POLK: variants seen among roughly 807,000 people sequenced by gnomAD.
POLK encodes DNA polymerase kappa.
A neutral mutation model predicts 94.0 loss-of-function variants in POLK; 76 were observed. The ratio of observed to expected loss-of-function variants is 0.81; its 90% CI spans 0.67 to 0.98. The LOEUF (loss-of-function observed/expected upper bound fraction) is 0.98. Ranked by LOEUF, POLK falls within the 50% of genes least tolerant of loss-of-function variation. The pLI is 0.00. For missense variants in POLK, 954 were observed against 1,010.1 expected (o/e 0.94, Z 0.75); for synonymous variants, 349 against 325.4 (o/e 1.07, Z -0.78).
In POLK at chr5:75,563,241, C is replaced by T. The variant is rs184480730; in HGVS notation, c.256-6099C>T. Reference sequence around the variant, plus strand: ...CCTCCCAAAGTGCTGGGATTACAGACGTGAGCCACTGTATCTGGCTGTGAA... The same window carrying T: ...CCTCCCAAAGTGCTGGGATTACAGATGTGAGCCACTGTATCTGGCTGTGAA... On this transcript the variant is annotated intron_variant, in intron 3 of 14. Transcript: ENST00000241436. Among the ~76,000 whole-genome samples, 242 of 152,188 alleles carry T rather than the reference C, an allele frequency of 1.6e-3. 1 individual carries two copies. Among genetic ancestry groups the T allele is most frequent in the African/African-American group, 5.5e-3 (230 of 41,520 alleles).
intron 11 of POLK, among the ~76,000 whole-genome samples, chr5:75,591,091 A>C (rs1194222493): frequency 2.0e-5 from 3 of 152,230 alleles, no homozygotes; most frequent in Admixed American, 2.0e-4. Context: ...CCTAGTGTTC[A>C]ATAGATCAGT....
chr5:75,523,055 G>GT lies in POLK; in HGVS notation c.-14+11142dup, dbSNP rs1580914820. Reference sequence around the variant, plus strand: ...GAGCTGATTTATATTTCCTTCCCCTGTCTCAGGGTTAGCTGTTGTAATTCA... The same window carrying GT: ...GAGCTGATTTATATTTCCTTCCCCTGTTCTCAGGGTTAGCTGTTGTAATTCA... On this transcript the variant is annotated intron_variant, in intron 1 of 14. Coordinates refer to ENST00000241436, the Ensembl canonical transcript of POLK. Among the ~76,000 whole-genome samples, 3 of 152,200 alleles carry GT rather than the reference G, an allele frequency of 2.0e-5. No homozygotes were observed. In the East Asian group the frequency reaches 5.8e-4, roughly 29 times the overall value.
chr5:75,589,176 T>C (rs1390515818), intron 10 of POLK, among the ~76,000 whole-genome samples: 1 of 152,086 alleles, frequency 6.6e-6, no homozygotes, highest in Non-Finnish European at 1.5e-5. Flanking sequence ...GTAATATCCA[T>C]GAATAGAGAA....
chr5:75,574,437 A>G (rs1290226286), intron 5 of POLK, among the ~76,000 whole-genome samples: 3 of 152,194 alleles, frequency 2.0e-5, no homozygotes, highest in African/African-American at 7.2e-5. Flanking sequence ...CCAAACTGTC[A>G]TATGTGAAAA....
chr5:75,589,458 T>A (rs1462109460), intron 10 of POLK, among the ~76,000 whole-genome samples: 1 of 149,548 alleles, frequency 6.7e-6, no homozygotes, highest in South Asian at 2.1e-4. Context: ...TTCTTTTTTT[T>A]GTTTGTTTTT....
At chr5:75,528,796 G>C (rs1285208223) in intron 1 of POLK, among the ~76,000 whole-genome samples, 1 of 152,154 alleles carries the variant, frequency 6.6e-6, no homozygotes, top group East Asian at 1.9e-4. Flanking sequence ...GGGTGACAAA[G>C]CAAGATCCTG....
intron 4 of POLK, among the ~76,000 whole-genome samples, 179 bp downstream of exon 4, chr5:75,569,671 C>G (rs1235492260): frequency 1.3e-5 from 2 of 152,186 alleles, no homozygotes; most frequent in African/African-American, 4.8e-5. Flanking sequence ...GGGACCCCAA[C>G]CCCCAGTTCA....
chr5:75,540,463 C>T (rs1437533528), intron 1 of POLK, among the ~76,000 whole-genome samples: 2 of 151,980 alleles, frequency 1.3e-5, no homozygotes, highest in African/African-American at 2.4e-5. Flanking sequence ...CATGTCAACA[C>T]ACCTGGCTAT....
At chr5:75,529,232 G>T (rs1223837350) in intron 1 of POLK, among the ~76,000 whole-genome samples, 3 of 152,144 alleles carry the variant, frequency 2.0e-5, no homozygotes, top group Non-Finnish European at 4.4e-5. Flanking sequence ...CAAAGGGGAG[G>T]CAAGCACATT....
At chr5:75,527,500 T>G (rs866264788) in intron 1 of POLK, among the ~76,000 whole-genome samples, 1 of 116,056 alleles carries the variant, frequency 8.6e-6, no homozygotes, top group Non-Finnish European at 1.7e-5. Context: ...AAAATTTATA[T>G]ATACACACAC....
In POLK at chr5:75,600,673, A is replaced by C. The variant is rs184448594; in HGVS notation, c.*2655A>C. On this transcript the variant is annotated 3_prime_UTR_variant, in exon 15 of 15. Transcript: ENST00000241436. The stretch of plus-strand genomic sequence containing the variant: ...ATATTCAGCAATGGTAGAATGGTTA[A>C]ATTGTACCATGGCATTTATATTGAA... 1.1e-4 allele frequency: 17 copies of C among 152,326 alleles called. No individual in the cohort carries two copies. The East Asian group carries it at 3.3e-3, about 29-fold the overall frequency. 9.4% of individuals were successfully genotyped at this position (152,326 alleles called of 1,614,324 possible). A position where few individuals can be genotyped will look rare whatever the true frequency, so the allele number is the denominator to read the frequency against.
intron 1 of POLK, among the ~76,000 whole-genome samples, chr5:75,542,226 A>G (rs1342395684): frequency 2.0e-5 from 3 of 152,134 alleles, no homozygotes; most frequent in Non-Finnish European, 4.4e-5. Flanking sequence ...GGTTATTTAT[A>G]GTATATTAGA....
intron 10 of POLK, among the ~76,000 whole-genome samples, chr5:75,589,376 TATATACACAC>T (rs1356310246): frequency 1.6e-3 from 188 of 119,208 alleles, no homozygotes; most frequent in African/African-American, 6.1e-3. Flanking sequence ...TTATTTTATA[TATATACACAC>T]ATACACACAC....
intron 1 of POLK, among the ~76,000 whole-genome samples, chr5:75,541,067 T>G (rs1769712707): frequency 1.3e-5 from 2 of 152,092 alleles, no homozygotes; most frequent in Non-Finnish European, 2.9e-5. Context: ...GCAGATTACC[T>G]GAGGTCAGGA....
chr5:75,596,229 GA>G lies in POLK; in HGVS notation c.1537del (p.Ile513TyrfsTer35), dbSNP rs747547564. 4 of 1,569,024 alleles carry G rather than the reference GA, an allele frequency of 2.5e-6. No individual in the cohort carries two copies. Among genetic ancestry groups the G allele is most frequent in the Non-Finnish European group, 2.6e-6 (3 of 1,151,370 alleles). ...GTGATTGGTTTAATTTAGGTGTTCG[GA>G]TATCTAGTTTTCCCAATGAAGAGGA... On this transcript the variant is annotated frameshift_variant, in exon 13 of 15. Coordinates refer to ENST00000241436, the Ensembl canonical transcript of POLK. LOFTEE classifies it high-confidence loss of function.
chr5:75,524,977 C>T (rs5744563), intron 1 of POLK, among the ~76,000 whole-genome samples: 6 of 152,208 alleles, frequency 3.9e-5, no homozygotes, highest in African/African-American at 1.4e-4. Flanking sequence ...GAACTGAGAT[C>T]TGAGTCTCTC....
At chr5:75,572,102 T>C (rs2112775302) in intron 4 of POLK, among the ~76,000 whole-genome samples, 1 of 152,334 alleles carries the variant, frequency 6.6e-6, no homozygotes, top group Non-Finnish European at 1.5e-5. Flanking sequence ...CTTTGAAATT[T>C]CACTTGAGAT....
intron 12 of POLK, among the ~76,000 whole-genome samples, chr5:75,595,167 G>C (rs961373644): frequency 1.4e-5 from 2 of 144,986 alleles, no homozygotes; most frequent in African/African-American, 5.2e-5. Flanking sequence ...CAGGAGAATC[G>C]CTTGAACCCG....
At chr5:75,513,264 A>G (rs1425211935) in intron 1 of POLK, among the ~76,000 whole-genome samples, 1 of 152,122 alleles carries the variant, frequency 6.6e-6, no homozygotes, top group African/African-American at 2.4e-5. Flanking sequence ...ACTAATATCA[A>G]TTATTATTAT....
Sources: allele counts gnomAD v4.1 joint callset (sites outside exome capture counted in the v4.1 genomes callset), GRCh38; gene constraint gnomAD v4.1.1; transcripts MANE v1.5; gene names NCBI Gene and HGNC (gene_info 2026-07-23, HGNC 2026-07-21).